Variants in DLG5 observed in about 807,000 individuals in gnomAD.
The protein encoded by DLG5 is discs large MAGUK scaffold protein 5.
A neutral mutation model predicts 189.8 loss-of-function variants in DLG5; 48 were observed. The observed-to-expected ratio is 0.25, with a 90% confidence interval of 0.20 to 0.32. The LOEUF is 0.32. Ranked by LOEUF, DLG5 falls within the 10% of genes least tolerant of loss-of-function variation. The probability of loss-of-function intolerance (pLI) is 1.00; values close to 1 mark genes in which losing one functional copy is unlikely to be tolerated. For missense variants in DLG5, 2,160 were observed against 2,544.7 expected (o/e 0.85, Z 3.25); for synonymous variants, 1,016 against 1,054.1 (o/e 0.96, Z 0.70).
chr10:77,868,698 G>A (rs879159966), intron 2 of DLG5: 1 of 231,378 alleles, frequency 4.3e-6, no homozygotes, highest in African/African-American at 2.4e-5. Flanking sequence ...AGAAGGGCTG[G>A]CCTCATTTTA....
intron 2 of DLG5, chr10:77,868,916 A>G: frequency 1.8e-6 from 1 of 565,798 alleles, no homozygotes; most frequent in Non-Finnish European, 3.1e-6. Context: ...ATGGCAAAAC[A>G]TGTGCTTCCC....
chr10:77,892,955 T>C (rs1845653478), intron 1 of DLG5, among the ~76,000 whole-genome samples: 3 of 152,246 alleles, frequency 2.0e-5, no homozygotes, highest in African/African-American at 7.2e-5. Context: ...CAGTAGGTAC[T>C]GGGTCACTGG....
chr10:77,829,425 G>A lies in DLG5; in HGVS notation c.2115C>T (p.Val705=), dbSNP rs142553152. 237 of 1,614,222 alleles carry A rather than the reference G, an allele frequency of 1.5e-4. 1 individual carries two copies. Among genetic ancestry groups the A allele is most frequent in the South Asian group, 7.8e-4 (71 of 91,082 alleles). ...CACCCAGGGACTTCCTCCGCCGCAC[G>A]ACCATGTTGATGGCCCCCTCCCCAT... The part of the protein sequence containing the change: ...LLNGEGAINM[V]VRRRKSLGGK... Residue 705 remains valine, a synonymous_variant, in exon 12 of 32, where the codon GTC becomes GTT. Coordinates refer to ENST00000372391, the MANE Select transcript of DLG5 (RefSeq NM_004747.4).
chr10:77,865,495 T>C (rs1781819), intron 2 of DLG5, among the ~76,000 whole-genome samples: 112,624 of 151,890 alleles, frequency 0.74, 42,679 homozygotes, highest in African/African-American at 0.91. Context: ...TAAGAAATCT[T>C]CTGCTATTTC....
At chr10:77,876,398 A>AGAGTCTGAAG (rs1406730148) in intron 1 of DLG5, among the ~76,000 whole-genome samples, 2 of 145,294 alleles carry the variant, frequency 1.4e-5, no homozygotes, top group Non-Finnish European at 3.0e-5. Context: ...TTTTTGAAAG[A>AGAGTCTGAAG]GAGTCTCACT....
intron 19 of DLG5, 23 bp downstream of exon 19, chr10:77,816,984 T>G: frequency 6.2e-7 from 1 of 1,610,110 alleles, no homozygotes. Context: ...GCAGGAGAGA[T>G]GGGAATGTCG....
At chr10:77,869,946 C>T (rs964969918) in intron 1 of DLG5, among the ~76,000 whole-genome samples, 10 of 152,188 alleles carry the variant, frequency 6.6e-5, no homozygotes, top group Admixed American at 4.6e-4. Flanking sequence ...TTTTCTGGAA[C>T]TCTGTTTCCT....
At chr10:77,876,525 C>T (rs1178112744) in intron 1 of DLG5, among the ~76,000 whole-genome samples, 1 of 151,956 alleles carries the variant, frequency 6.6e-6, no homozygotes, top group Admixed American at 6.6e-5. Flanking sequence ...CAGGCATGCA[C>T]CACCATGCCT....
At chr10:77,822,397 G>T (rs1589157767) in intron 14 of DLG5, among the ~76,000 whole-genome samples, 1 of 152,312 alleles carries the variant, frequency 6.6e-6, no homozygotes, top group East Asian at 1.9e-4. Flanking sequence ...TGTAATCCCA[G>T]CGCTTTGGTA....
chr10:77,846,757 C>T (rs1353175863), intron 5 of DLG5: 1 of 455,974 alleles, frequency 2.2e-6, no homozygotes, highest in Admixed American at 2.3e-5. Context: ...AAGTGAGAAC[C>T]CCATTGGCTC....
At chr10:77,812,786 C>T (rs1025735127) in intron 20 of DLG5, among the ~76,000 whole-genome samples, 1 of 152,208 alleles carries the variant, frequency 6.6e-6, no homozygotes, top group African/African-American at 2.4e-5. Context: ...AAGGGGGCAA[C>T]AGAAAATAAT....
chr10:77,793,979 C>T (rs775815182), intron 31 of DLG5, 29 bp downstream of exon 31: 4 of 1,589,870 alleles, frequency 2.5e-6, no homozygotes, highest in Admixed American at 3.3e-5. Context: ...CTGCTGCCTG[C>T]TCCCCACTCC....
chr10:77,854,094 G>A (rs1844112516), intron 4 of DLG5, 133 bp downstream of exon 4: 1 of 1,184,006 alleles, frequency 8.4e-7, no homozygotes, highest in Non-Finnish European at 1.2e-6. Flanking sequence ...TCCACCTGCT[G>A]TAGGCAGACT....
At chr10:77,792,612 C>G in intron 31 of DLG5, 69 bp from the exon 32 acceptor site, 1 of 1,398,184 alleles carries the variant, frequency 7.2e-7, no homozygotes, top group Non-Finnish European at 1.0e-6. Flanking sequence ...CAAGGCAGTA[C>G]AGCTTGCACT....
intron 7 of DLG5, among the ~76,000 whole-genome samples, chr10:77,839,629 T>C (rs1484720470): frequency 3.9e-5 from 6 of 152,250 alleles, no homozygotes; most frequent in Non-Finnish European, 7.3e-5. Context: ...TTTTCCAAGT[T>C]TCCTTCTTCA....
chr10:77,937,908 A>G, the DLG5 span, among the ~76,000 whole-genome samples: 1 of 129,882 alleles, frequency 7.7e-6, no homozygotes, highest in Non-Finnish European at 1.6e-5. Context: ...AGTAGAGATG[A>G]GGTTTCACCA....
upstream of DLG5, chr10:77,928,359 C>A (rs911075298): frequency 8.5e-5 from 13 of 152,168 alleles, no homozygotes; most frequent in African/African-American, 2.7e-4. Flanking sequence ...TTTAAGACCT[C>A]CAGATGGACC....
chr10:77,809,421 A>C (rs1038901603), intron 24 of DLG5, 126 bp downstream of exon 24: 14 of 1,094,270 alleles, frequency 1.3e-5, no homozygotes, highest in Non-Finnish European at 1.8e-5. Flanking sequence ...CAACAACAAA[A>C]GTCAGCCCTG....
In DLG5 at chr10:77,829,529, C is replaced by T. The variant is rs150941027; in HGVS notation, c.2011G>A (p.Val671Ile). ...KGSIADGRLR[V>I]NDWLLRINDV... is the part of the protein sequence containing the mutation. ...TTGATTCTCAGCAGCCAGTCATTGACCCTGAGAAAGGGCACAGCCAGTTCA... is the reference window on the plus strand; with the variant it reads ...TTGATTCTCAGCAGCCAGTCATTGATCCTGAGAAAGGGCACAGCCAGTTCA... The change falls in exon 12 of 32, where the codon GTC becomes ATC. Residue 671 changes from valine (V) to isoleucine (I), a missense_variant and splice_region_variant. By Grantham distance (29) the Val-to-Ile change is conservative. This residue lies in a region of DLG5 where 107 missense variants were observed against 214.5 expected (regional missense o/e 0.50). Transcript: ENST00000372391. 594 of 1,601,594 alleles carry T rather than the reference C, an allele frequency of 3.7e-4. 1 individual carries two copies. Among genetic ancestry groups the T allele is most frequent in the Non-Finnish European group, 4.5e-4 (530 of 1,172,650 alleles).
Sources: gnomAD v4.1 joint callset for allele counts (sites outside exome capture counted in the v4.1 genomes callset) on GRCh38, gnomAD v4.1.1 for gene constraint, gnomAD v4.1.1 regional missense constraint, MANE v1.5 for transcripts, NCBI Gene and HGNC (gene_info 2026-07-23, HGNC 2026-07-21) for gene names.